Variants in FRMPD1 observed in about 807,000 individuals in gnomAD.
FRMPD1 encodes the protein FERM and PDZ domain-containing protein 1.
Under a neutral mutation model 117.8 loss-of-function variants are expected in FRMPD1, and 76 were observed. The observed-to-expected ratio is 0.65, with a 90% CI of 0.54 to 0.78. The LOEUF is 0.78. FRMPD1 is among the 30% of genes least tolerant of loss of function. The pLI, the probability that FRMPD1 is intolerant of heterozygous loss-of-function variation, is 0.00. For synonymous variants in FRMPD1, 783 were observed against 770.4 expected (o/e 1.02, Z -0.27); for missense variants, 1,786 against 1,964.5 (o/e 0.91, Z 1.72).
At chr9:37,728,366 T>C (rs1001456484) in intron 7 of FRMPD1, among the ~76,000 whole-genome samples, 1 of 152,156 alleles carries the variant, frequency 6.6e-6, no homozygotes, top group African/African-American at 2.4e-5. Context: ...GGGATGATTA[T>C]GTATGCTGGC....
rs115621403 is a variant in FRMPD1 at position 37,653,604 on chromosome 9, A to G, written c.-5+2510A>G. Among the ~76,000 whole-genome samples the G allele has an allele frequency of 1.8e-3, 267 of 152,306 alleles. 1 individual carries two copies. Among genetic ancestry groups the G allele is most frequent in the African/African-American group, 5.9e-3 (245 of 41,568 alleles). Reference sequence around the variant, plus strand: ...GAAGGCTCAATCCCTGCCTCACACAAGCTTATCACTATGTACTCAAGGACC... The same window carrying G: ...GAAGGCTCAATCCCTGCCTCACACAGGCTTATCACTATGTACTCAAGGACC... On this transcript the variant is annotated intron_variant, in intron 1 of 15. Transcript: ENST00000377765.
At chr9:37,645,549 G>A in the FRMPD1 span, among the ~76,000 whole-genome samples, 1,978 of 152,236 alleles carry the variant, frequency 0.013, 38 homozygotes, top group African/African-American at 0.045. Context: ...TTGAGAGAAC[G>A]ACTATGATAA....
intron 14 of FRMPD1, among the ~76,000 whole-genome samples, chr9:37,739,589 T>C (rs1824286268): frequency 6.6e-6 from 1 of 152,118 alleles, no homozygotes; most frequent in Non-Finnish European, 1.5e-5. Flanking sequence ...GTACTCGTCA[T>C]AAAATTGCTA....
At chr9:37,604,078 A>G in the FRMPD1 span, among the ~76,000 whole-genome samples, 1 of 152,216 alleles carries the variant, frequency 6.6e-6, no homozygotes, top group Non-Finnish European at 1.5e-5. Context: ...TGGGGCAGGC[A>G]TGGCAGCAAT....
At chr9:37,634,913 T>C in the FRMPD1 span, among the ~76,000 whole-genome samples, 1 of 151,834 alleles carries the variant, frequency 6.6e-6, no homozygotes, top group Admixed American at 6.6e-5. Flanking sequence ...ATGGTGTGTG[T>C]TGTTCCCCTC....
chr9:37,659,022 G>A (rs1820920744), intron 1 of FRMPD1, among the ~76,000 whole-genome samples: 1 of 151,976 alleles, frequency 6.6e-6, no homozygotes, highest in Non-Finnish European at 1.5e-5. Flanking sequence ...CACACCAACT[G>A]GCTAATTTTT....
the FRMPD1 span, among the ~76,000 whole-genome samples, chr9:37,617,749 C>T: frequency 2.6e-5 from 4 of 152,158 alleles, no homozygotes; most frequent in African/African-American, 9.7e-5. Flanking sequence ...ATTATCAAAC[C>T]TCATCTGGAA....
the FRMPD1 span, among the ~76,000 whole-genome samples, chr9:37,643,284 C>T: frequency 6.6e-6 from 1 of 151,944 alleles, no homozygotes; most frequent in Non-Finnish European, 1.5e-5. Flanking sequence ...TTGGTTATTG[C>T]TTTGCTCCTT....
intron 1 of FRMPD1, among the ~76,000 whole-genome samples, chr9:37,687,828 A>C (rs1003315475): frequency 6.6e-6 from 1 of 152,258 alleles, no homozygotes; most frequent in African/African-American, 2.4e-5. Context: ...AAAAATGTTG[A>C]GCTGTGCTAG....
At chr9:37,694,671 G>C (rs1334401668) in intron 2 of FRMPD1, among the ~76,000 whole-genome samples, 1 of 152,092 alleles carries the variant, frequency 6.6e-6, no homozygotes, top group Admixed American at 6.5e-5. Flanking sequence ...CGTGTAGCTG[G>C]GACTGCAGGC....
the FRMPD1 span, among the ~76,000 whole-genome samples, chr9:37,615,870 T>C: frequency 0.095 from 14,400 of 151,934 alleles, 857 homozygotes; most frequent in Middle Eastern, 0.14. Context: ...TGGAGTGTAA[T>C]GGCATGATCT....
chr9:37,667,291 C>T (rs924989042), intron 1 of FRMPD1, among the ~76,000 whole-genome samples: 1 of 150,806 alleles, frequency 6.6e-6, no homozygotes, highest in Non-Finnish European at 1.5e-5. Context: ...GTCTAGAACT[C>T]CTGACCTCAA....
chr9:37,736,856 A>AGTGT (rs1824152590), intron 13 of FRMPD1, among the ~76,000 whole-genome samples: 3 of 142,508 alleles, frequency 2.1e-5, no homozygotes, highest in Admixed American at 7.1e-5. Context: ...TGAGTGCGTG[A>AGTGT]GAGTGTGTGT....
Position 37,745,802 on chromosome 9 carries a change from C to A in FRMPD1, c.3770C>A (p.Pro1257Gln), listed in dbSNP as rs760918992. The change falls in exon 16 of 16, where the codon CCA becomes CAA. Residue 1257 changes from proline to glutamine, a missense_variant. Transcript: ENST00000377765. The stretch of plus-strand genomic sequence containing the variant: ...TGTTTTAATCCTGAGCCTTCCCTGC[C>A]AGAACCACTACCATGTCCACAAGAG... Reference protein sequence around the residue: ...WVCFNPEPSLPEPLPCPQEDP... With the variant: ...WVCFNPEPSLQEPLPCPQEDP... 46 of 1,614,040 alleles carry A rather than the reference C, an allele frequency of 2.8e-5. 1 individual carries two copies. In the South Asian group the frequency reaches 4.9e-4, roughly 17 times the overall value.
At chr9:37,659,757 G>A (rs1820941572) in intron 1 of FRMPD1, among the ~76,000 whole-genome samples, 1 of 151,854 alleles carries the variant, frequency 6.6e-6, no homozygotes. Flanking sequence ...TCATCTTCTT[G>A]CCCTACAACT....
chr9:37,637,273 G>A, the FRMPD1 span: 511 of 1,590,752 alleles, frequency 3.2e-4, 4 homozygotes, highest in East Asian at 2.3e-3. Context: ...GCTTAAACAG[G>A]CAGTCATATC....
chr9:37,689,984 T>C (rs1328458559), intron 1 of FRMPD1, among the ~76,000 whole-genome samples: 4 of 152,154 alleles, frequency 2.6e-5, no homozygotes, highest in Non-Finnish European at 4.4e-5. Flanking sequence ...TGTTACTTGA[T>C]GTGGGTCTTT....
chr9:37,678,115 A>G (rs1470962297), intron 1 of FRMPD1, among the ~76,000 whole-genome samples: 1 of 152,188 alleles, frequency 6.6e-6, no homozygotes. Flanking sequence ...AGAATTGGAA[A>G]GAAAGGGCAG....
intron 2 of FRMPD1, among the ~76,000 whole-genome samples, chr9:37,698,531 T>C (rs2118079630): frequency 6.7e-6 from 1 of 150,332 alleles, no homozygotes; most frequent in South Asian, 2.1e-4. Context: ...GTTACAATAG[T>C]ATTATGCATC....
Sources: gnomAD v4.1 joint callset for allele counts (sites outside exome capture counted in the v4.1 genomes callset) on GRCh38, gnomAD v4.1.1 for gene constraint, MANE v1.5 for transcripts, NCBI Gene and HGNC (gene_info 2026-07-23, HGNC 2026-07-21) for gene names.